Variants in MSRB3 observed in about 807,000 individuals in gnomAD.
MSRB3 encodes methionine sulfoxide reductase B3.
A neutral mutation model predicts 21.0 loss-of-function variants in MSRB3; 13 were observed. That is an observed-to-expected ratio of 0.62 (90% CI 0.40 to 0.98). The LOEUF is 0.98. Ranked by LOEUF, MSRB3 falls within the 50% of genes least tolerant of loss-of-function variation. MSRB3 has a pLI of 0.00. For synonymous variants in MSRB3, 87 were observed against 88.6 expected (o/e 0.98, Z 0.10); for missense variants, 199 against 230.3 (o/e 0.86, Z 0.88).
chr12:65,408,503 A>G (rs562806409), intron 5 of MSRB3, among the ~76,000 whole-genome samples: 4 of 152,124 alleles, frequency 2.6e-5, no homozygotes, highest in Non-Finnish European at 5.9e-5. Context: ...TGCATTTACT[A>G]TTTTCTGTGG....
chr12:65,359,867 G>A (rs956018279), intron 4 of MSRB3, among the ~76,000 whole-genome samples: 11 of 152,074 alleles, frequency 7.2e-5, no homozygotes, highest in African/African-American at 2.7e-4. Flanking sequence ...TTGCTAAGTG[G>A]CTGACTGTAG....
chr12:65,325,763 T>C (rs1592526720), intron 2 of MSRB3, among the ~76,000 whole-genome samples: 1 of 152,168 alleles, frequency 6.6e-6, no homozygotes, highest in Admixed American at 6.5e-5. Flanking sequence ...TCTCTACATT[T>C]AGGACCATCT....
At chr12:65,354,239 A>G (rs930775183) in intron 4 of MSRB3, among the ~76,000 whole-genome samples, 4 of 151,742 alleles carry the variant, frequency 2.6e-5, no homozygotes, top group African/African-American at 9.7e-5. Flanking sequence ...TCTTTGTGGC[A>G]TTCTCTGTAT....
chr12:65,283,245 G>A (rs1872145394), intron 1 of MSRB3, among the ~76,000 whole-genome samples: 1 of 152,090 alleles, frequency 6.6e-6, no homozygotes, highest in Non-Finnish European at 1.5e-5. Context: ...AGTCTTTAAG[G>A]CCTCTGTCAG....
intron 2 of MSRB3, among the ~76,000 whole-genome samples, chr12:65,313,544 A>G (rs10878259): frequency 0.088 from 13,330 of 152,112 alleles, 2,001 homozygotes; most frequent in African/African-American, 0.3. Context: ...TTTTTTGTTA[A>G]GTCTTCTGAA....
intron 1 of MSRB3, among the ~76,000 whole-genome samples, chr12:65,291,338 G>A (rs542941660): frequency 5.9e-5 from 9 of 151,816 alleles, no homozygotes; most frequent in Admixed American, 2.0e-4. Flanking sequence ...TGCCCACCTC[G>A]GCCCCCCAAA....
At chr12:65,367,714 A>C (rs1345898667) in intron 4 of MSRB3, among the ~76,000 whole-genome samples, 1 of 152,188 alleles carries the variant, frequency 6.6e-6, no homozygotes, top group Non-Finnish European at 1.5e-5. Flanking sequence ...CAAAATGTGA[A>C]AATGGGTTTG....
intron 1 of MSRB3, among the ~76,000 whole-genome samples, chr12:65,300,980 C>T (rs1053546690): frequency 6.6e-6 from 1 of 152,120 alleles, no homozygotes; most frequent in Non-Finnish European, 1.5e-5. Context: ...ATTCCTACCA[C>T]GTGCCTGGAA....
At chr12:65,286,387 C>T (rs1412489905) in intron 1 of MSRB3, 1 of 152,146 alleles carries the variant, frequency 6.6e-6, no homozygotes, top group Non-Finnish European at 1.5e-5. Flanking sequence ...GTACTTTATA[C>T]TAAGACTGGA....
intron 4 of MSRB3, among the ~76,000 whole-genome samples, chr12:65,347,035 T>C (rs1038711929): frequency 3.3e-5 from 5 of 152,204 alleles, no homozygotes; most frequent in Non-Finnish European, 5.9e-5. Flanking sequence ...TTCAGCTTTG[T>C]TCTTTTGGCT....
At chr12:65,313,872 A>G (rs928131747) in intron 2 of MSRB3, among the ~76,000 whole-genome samples, 16 of 152,226 alleles carry the variant, frequency 1.1e-4, no homozygotes, top group Non-Finnish European at 1.9e-4. Flanking sequence ...ATTTGCAATT[A>G]GTTGATTAAA....
chr12:65,308,930 A>T (rs1873819596), intron 2 of MSRB3: 1 of 492,380 alleles, frequency 2.0e-6, no homozygotes, highest in Non-Finnish European at 3.7e-6. Context: ...CACACTACAC[A>T]TCTGCAAATC....
intron 4 of MSRB3, among the ~76,000 whole-genome samples, chr12:65,360,172 T>C (rs1228161884): frequency 6.6e-6 from 1 of 152,150 alleles, no homozygotes; most frequent in Non-Finnish European, 1.5e-5. Context: ...ATTAACTCTT[T>C]AAAAATGTTT....
intron 4 of MSRB3, among the ~76,000 whole-genome samples, chr12:65,335,536 C>T (rs757538448): frequency 6.6e-6 from 1 of 152,152 alleles, no homozygotes; most frequent in Admixed American, 6.5e-5. Flanking sequence ...CTCAACTGTG[C>T]TACTTCATGC....
At chr12:65,382,941 T>G (rs1302075155) in intron 5 of MSRB3, among the ~76,000 whole-genome samples, 1 of 152,114 alleles carries the variant, frequency 6.6e-6, no homozygotes, top group Non-Finnish European at 1.5e-5. Flanking sequence ...AAAATCAGGT[T>G]AAATTTATTT....
chr12:65,446,566 T>C (rs1882627766), intron 5 of MSRB3, among the ~76,000 whole-genome samples: 1 of 152,170 alleles, frequency 6.6e-6, no homozygotes, highest in Non-Finnish European at 1.5e-5. Context: ...GATGATAAAC[T>C]GAGCATACAT....
At chr12:65,378,485 G>A (rs1204176309) in intron 5 of MSRB3, among the ~76,000 whole-genome samples, 2 of 152,154 alleles carry the variant, frequency 1.3e-5, no homozygotes, top group Non-Finnish European at 2.9e-5. Context: ...GATGGTAGAA[G>A]ATAAGAGGGC....
rs563600984 is a variant in MSRB3, at chr12:65,423,367, G to A, written c.293-30361G>A. Among the ~76,000 whole-genome samples the A allele has an allele frequency of 4.3e-3, 655 of 152,236 alleles. 5 individuals carry two copies. The highest frequency in any genetic ancestry group is 0.023 in the South Asian group (113 of 4,822). On this transcript the variant is annotated intron_variant, in intron 5 of 6. Transcript: ENST00000308259. Reference sequence around the variant, plus strand: ...TTTCATCTTTTTGCCTAATTGCTCTGACTGGGACTTTTAGTACAATATTGA... The same window carrying A: ...TTTCATCTTTTTGCCTAATTGCTCTAACTGGGACTTTTAGTACAATATTGA...
chr12:65,320,041 T>TA (rs1392426893), intron 2 of MSRB3, among the ~76,000 whole-genome samples: 6 of 152,186 alleles, frequency 3.9e-5, no homozygotes, highest in Admixed American at 6.5e-5. Context: ...TTTACAATGG[T>TA]ATGTTGCCTT....
Sources: gnomAD v4.1 joint callset for allele counts (sites outside exome capture counted in the v4.1 genomes callset) on GRCh38, gnomAD v4.1.1 for gene constraint, MANE v1.5 for transcripts, NCBI Gene and HGNC (gene_info 2026-07-23, HGNC 2026-07-21) for gene names.